SORCS1: variants seen among roughly 807,000 people sequenced by gnomAD.
SORCS1 encodes the protein VPS10 domain-containing receptor SorCS1.
Under a neutral mutation model 146.1 loss-of-function variants are expected in SORCS1, and 60 were observed. The ratio of observed to expected loss-of-function variants is 0.41; its 90% confidence interval spans 0.33 to 0.51. The LOEUF (loss-of-function observed/expected upper bound fraction) is 0.51. SORCS1 is among the 20% of genes least tolerant of loss of function. The pLI is 0.21. For synonymous variants in SORCS1, 637 were observed against 584.0 expected, an observed-to-expected ratio of 1.09 and a Z score of -1.31; for missense variants, 1,352 against 1,487.6, an observed-to-expected ratio of 0.91 and a Z score of 1.50.
intron 1 of SORCS1, among the ~76,000 whole-genome samples, chr10:106,992,878 C>T (rs1472146082): frequency 8.1e-6 from 1 of 124,114 alleles, no homozygotes; most frequent in East Asian, 2.4e-4. Flanking sequence ...TGTCACCAGG[C>T]TGGAGCACAG....
chr10:107,073,899 T>C (rs1342327111), intron 1 of SORCS1, among the ~76,000 whole-genome samples: 1 of 152,170 alleles, frequency 6.6e-6, no homozygotes, highest in East Asian at 1.9e-4. Flanking sequence ...AGAATTTATT[T>C]TTTAGAGCAG....
At chr10:107,050,868 C>G (rs1960039076) in intron 1 of SORCS1, among the ~76,000 whole-genome samples, 1 of 152,140 alleles carries the variant, frequency 6.6e-6, no homozygotes, top group Non-Finnish European at 1.5e-5. Flanking sequence ...CATCATCCCT[C>G]CCTCCACATC....
intron 6 of SORCS1, among the ~76,000 whole-genome samples, chr10:106,722,331 T>C (rs1277850738): frequency 6.6e-6 from 1 of 152,146 alleles, no homozygotes; most frequent in African/African-American, 2.4e-5. Flanking sequence ...TCAGCAGCGC[T>C]TACCTTATCC....
At chr10:106,884,066 A>C (rs1950907141) in intron 2 of SORCS1, among the ~76,000 whole-genome samples, 1 of 152,270 alleles carries the variant, frequency 6.6e-6, no homozygotes, top group East Asian at 1.9e-4. Context: ...TAAACTACTT[A>C]GCATCTGGGA....
chr10:106,905,605 A>ATTAATATTTCTGGG, intron 2 of SORCS1, among the ~76,000 whole-genome samples: 1 of 152,282 alleles, frequency 6.6e-6, no homozygotes, highest in African/African-American at 2.4e-5. Context: ...TAATTTTCTA[A>ATTAATATTTCTGGG]TTAAAATAGT....
intron 1 of SORCS1, among the ~76,000 whole-genome samples, chr10:107,069,384 T>A (rs1343161404): frequency 6.6e-6 from 1 of 152,180 alleles, no homozygotes; most frequent in South Asian, 2.1e-4. Flanking sequence ...TTTTCTTTTT[T>A]CTTTTTTTTA....
chr10:107,060,879 T>C lies in SORCS1; in HGVS notation c.558+103090A>G, dbSNP rs1024767023. 6.6e-6 allele frequency among the ~76,000 whole-genome samples: 1 copy of C among 152,182 alleles called. No homozygotes were observed. The highest frequency in any genetic ancestry group is 2.4e-5 in the African/African-American group (1 of 41,454). ...ATTGAATCACAAGCCTCTAAACTAA[T>C]GTCTTAAAAATTCTCAATAAATGTG... On this transcript the variant is annotated intron_variant, in intron 1 of 25. Transcript: ENST00000263054. The surrounding 1 kb of genome is among the most constrained non-coding windows in gnomAD (Gnocchi z 4.1).
rs182889006 is a variant in SORCS1, at chr10:106,738,893, G to A, written c.960-8779C>T. 3.6e-3 allele frequency among the ~76,000 whole-genome samples: 550 copies of A among 152,126 alleles called. 9 individuals carry two copies. Among genetic ancestry groups the A allele is most frequent in the African/African-American group, 0.013 (531 of 41,508 alleles). ...TGTAATCCCAGGGTCTCACTATACT[G>A]CCCCGGCTGGTCTTGAACTCCTGGA... is the stretch of plus-strand genomic sequence containing the variant. On this transcript the variant is annotated intron_variant, in intron 5 of 25. Coordinates refer to ENST00000263054, the MANE Select transcript of SORCS1 (RefSeq NM_052918.5).
chr10:107,048,603 A>T (rs57011369), intron 1 of SORCS1, among the ~76,000 whole-genome samples: 1 of 152,206 alleles, frequency 6.6e-6, no homozygotes, highest in African/African-American at 2.4e-5. Flanking sequence ...CTTATAAATG[A>T]ATATTTTATG....
Position 106,850,318 on chromosome 10 carries a change from C to G in SORCS1, c.627-20645G>C, listed in dbSNP as rs931268745. ...CCGTGTTTTAAGCCGGTCTGAAAAG[C>G]GCAATATTCGGGTGGGAGTGACCCG... On this transcript the variant is annotated intron_variant, in intron 2 of 25. Coordinates refer to ENST00000263054, the MANE Select transcript of SORCS1 (RefSeq NM_052918.5). Among the ~76,000 whole-genome samples, 12 of 152,082 alleles carry G rather than the reference C, an allele frequency of 7.9e-5. No homozygotes were observed. In the East Asian group the frequency reaches 1.4e-3, roughly 17 times the overall value.
intron 1 of SORCS1, among the ~76,000 whole-genome samples, chr10:107,087,708 T>A (rs927559832): frequency 2.6e-5 from 4 of 152,174 alleles, no homozygotes; most frequent in Admixed American, 2.6e-4. Flanking sequence ...TCATGAGAAG[T>A]CAAGCGTTTG....
rs1229135727 is a variant in SORCS1, at chr10:106,689,704, CAGAT to C, written c.1414-1370_1414-1367del. On this transcript the variant is annotated intron_variant, in intron 9 of 25. Transcript: ENST00000263054. Reference sequence around the variant, plus strand: ...ACCTGCAGCTTTTACCCCAATTCTACAGATAAAGAAACTGAGATCACAGAAAGTT... The same window carrying C: ...ACCTGCAGCTTTTACCCCAATTCTACAAAGAAACTGAGATCACAGAAAGTT... 5.9e-5 allele frequency among the ~76,000 whole-genome samples: 9 copies of C among 152,302 alleles called. No homozygotes were observed. In the East Asian group the frequency reaches 1.7e-3, roughly 29 times the overall value.
chr10:107,094,108 G>T (rs571315159), intron 1 of SORCS1, among the ~76,000 whole-genome samples: 1 of 151,990 alleles, frequency 6.6e-6, no homozygotes, highest in Non-Finnish European at 1.5e-5. Context: ...ATCATATAAT[G>T]CCCTTTATAT....
chr10:107,143,123 A>G (rs891909706), intron 1 of SORCS1, among the ~76,000 whole-genome samples: 4 of 152,234 alleles, frequency 2.6e-5, no homozygotes, highest in Admixed American at 1.3e-4. Context: ...TACCATCGGT[A>G]TCCATGGTCA....
At chr10:106,884,082 G>A (rs1157118317) in intron 2 of SORCS1, among the ~76,000 whole-genome samples, 1 of 152,124 alleles carries the variant, frequency 6.6e-6, no homozygotes, top group Non-Finnish European at 1.5e-5. Context: ...TGGGAAAGCT[G>A]TAAAAACTTA....
chr10:107,003,407 G>A (rs553832897), intron 1 of SORCS1, among the ~76,000 whole-genome samples: 80 of 150,448 alleles, frequency 5.3e-4, no homozygotes, highest in Non-Finnish European at 5.6e-4. Context: ...TGTGTGTATA[G>A]AGAGAATAAT....
chr10:106,726,868 C>T (rs1193848062), intron 6 of SORCS1, among the ~76,000 whole-genome samples: 2 of 151,918 alleles, frequency 1.3e-5, no homozygotes, highest in Non-Finnish European at 2.9e-5. Flanking sequence ...GGGCGGATCA[C>T]GAGGTGAGGA....
chr10:106,775,895 A>G (rs1431730217), intron 4 of SORCS1, among the ~76,000 whole-genome samples: 2 of 152,222 alleles, frequency 1.3e-5, no homozygotes, highest in Middle Eastern at 3.2e-3. Context: ...TATGTCGTAT[A>G]GAGTACATAA....
intron 9 of SORCS1, among the ~76,000 whole-genome samples, chr10:106,694,364 AT>A (rs1853536952): frequency 1.3e-5 from 2 of 152,042 alleles, no homozygotes; most frequent in South Asian, 4.1e-4. Flanking sequence ...GGTGCAAGTG[AT>A]TCTCCTGCCT....
Sources: gnomAD v4.1 joint callset for allele counts (sites outside exome capture counted in the v4.1 genomes callset) on GRCh38, gnomAD v4.1.1 for gene constraint, Gnocchi (gnomAD v3.1) non-coding constraint, MANE v1.5 for transcripts, NCBI Gene and HGNC (gene_info 2026-07-23, HGNC 2026-07-21) for gene names.